NICN1: variants seen among roughly 807,000 people sequenced by gnomAD.
NICN1 encodes nicolin-1.
In NICN1, 18 loss-of-function variants were observed where a neutral mutation model predicts 26.3. The observed-to-expected ratio is 0.68, with a 90% CI of 0.47 to 1.01. The LOEUF is 1.01. Ranked by LOEUF, NICN1 falls within the 50% of genes least tolerant of loss-of-function variation. NICN1 has a pLI of 0.00. For synonymous variants in NICN1, 109 were observed against 111.0 expected, an observed-to-expected ratio of 0.98 and a Z score of 0.11; for missense variants, 239 against 278.3, an observed-to-expected ratio of 0.86 and a Z score of 1.00.
At position 49,426,009 on chromosome 3, in the gene NICN1, C is replaced by G. The variant is rs572399908; in HGVS notation, c.310-13G>C. On this transcript the variant is annotated splice_polypyrimidine_tract_variant and intron_variant, in intron 2 of 5. Coordinates refer to ENST00000273598, the MANE Select transcript of NICN1 (RefSeq NM_032316.3). ...TGTCACACAGCATCTGACACACACA[C>G]ACAAGGACCCAGCAAGGATCCAGCT... is the stretch of plus-strand genomic sequence containing the variant. The G allele has an allele frequency of 6.7e-5, 102 of 1,533,658 alleles. No individual in the cohort carries two copies. The highest frequency in any genetic ancestry group is 5.1e-4 in the Admixed American group (30 of 59,024).
Position 49,422,902 on chromosome 3 carries a change from T to G in NICN1, c.*1931A>C. On this transcript the variant is annotated 3_prime_UTR_variant, in exon 6 of 6. Transcript: ENST00000273598. ...AGTCTGTCCTCATGTGGACCCCTAG[T>G]TCCACAGCTCTCCCACCAGGCAGAC... The G allele has an allele frequency of 6.7e-6, 2 of 296,354 alleles. No homozygotes were observed. Among genetic ancestry groups the G allele is most frequent in the Non-Finnish European group, 6.7e-6 (1 of 148,962 alleles). The allele number at this position is 296,354 out of a possible 1,614,324, so 18.4% of individuals were successfully genotyped here.
At chr3:49,425,588 G>C in intron 3 of NICN1, 150 bp from the exon 4 acceptor site, 2 of 647,010 alleles carry the variant, frequency 3.1e-6, no homozygotes, top group Non-Finnish European at 2.7e-6. Flanking sequence ...TAAAGAGGCA[G>C]TCAGACTACC....
chr3:49,425,294 G>T, intron 4 of NICN1, 73 bp downstream of exon 4: 1 of 1,308,062 alleles, frequency 7.6e-7, no homozygotes, highest in Non-Finnish European at 1.1e-6. Flanking sequence ...AATTTTACAG[G>T]AAGGGGTCTA....
At chr3:49,426,529 CTTTTTTTTT>C in intron 1 of NICN1, 101 bp from the exon 2 acceptor site, 1 of 643,812 alleles carries the variant, frequency 1.6e-6, no homozygotes, top group Non-Finnish European at 2.5e-6. Flanking sequence ...CCCACCTTTT[CTTTTTTTTT>C]TTTTTTTGAG....
intron 4 of NICN1, 144 bp downstream of exon 4, chr3:49,425,223 T>C (rs922556268): frequency 6.0e-6 from 5 of 840,204 alleles, no homozygotes; most frequent in Non-Finnish European, 9.9e-6. Context: ...CAGAGATGCC[T>C]CAAATCCCAC....
At chr3:49,425,151 G>T in intron 4 of NICN1, 98 bp from the exon 5 acceptor site, 2 of 987,704 alleles carry the variant, frequency 2.0e-6, no homozygotes, top group Non-Finnish European at 3.2e-6. Flanking sequence ...CTCCAGCTGA[G>T]ACCAACAACA....
At chr3:49,428,973 G>T (rs916112653) in intron 1 of NICN1, 135 bp downstream of exon 1, 9 of 773,724 alleles carry the variant, frequency 1.2e-5, no homozygotes, top group Non-Finnish European at 1.6e-5. Flanking sequence ...CTAAATAAAT[G>T]AATGATTAAC....
chr3:49,422,605 A>G lies in NICN1; in HGVS notation c.*2228T>C, dbSNP rs1464190275. On this transcript the variant is annotated 3_prime_UTR_variant, in exon 6 of 6. Coordinates refer to ENST00000273598, the MANE Select transcript of NICN1 (RefSeq NM_032316.3). ...GCCCCAAGGGCAGGCTGGGATTTAG[A>G]GCAGAGAATGCAGGAACCCGCAACC... 3 of 831,694 alleles carry G rather than the reference A, an allele frequency of 3.6e-6. No homozygotes were observed. Among genetic ancestry groups the G allele is most frequent in the Admixed American group, 4.0e-5 (2 of 50,086 alleles). 51.5% of individuals were successfully genotyped at this position (831,694 alleles called of 1,614,324 possible). A position where few individuals can be genotyped will look rare whatever the true frequency, so the allele number is the denominator to read the frequency against.
At position 49,429,313 on chromosome 3, in the gene NICN1, C is replaced by T; in HGVS notation, c.-74G>A. 6.7e-7 allele frequency: 1 copy of T among 1,482,500 alleles called. No homozygotes were observed. Among genetic ancestry groups the T allele is most frequent in the East Asian group, 2.7e-5 (1 of 37,542 alleles). The allele number at this position is 1,482,500 out of a possible 1,614,324, so 91.8% of individuals were successfully genotyped here. On this transcript the variant is annotated 5_prime_UTR_variant, in exon 1 of 6. Transcript: ENST00000273598. ...CACCAGCCCTTCCCGGCATCCTCAG[C>T]CGAGCCTCAAGAACTACAAATCCCG...
intron 2 of NICN1, 112 bp from the exon 3 acceptor site, chr3:49,426,108 C>G: frequency 1.8e-6 from 2 of 1,108,718 alleles, no homozygotes; most frequent in East Asian, 2.5e-5. Context: ...AAGGAAGGAA[C>G]AGTAGTCCCT....
At chr3:49,429,029 A>G (rs2049197294) in intron 1 of NICN1, 79 bp downstream of exon 1, 2 of 1,390,242 alleles carry the variant, frequency 1.4e-6, no homozygotes, top group Non-Finnish European at 2.0e-6. Flanking sequence ...CCCATAAAAG[A>G]TTAAATGCCT....
chr3:49,424,432 A>C lies in NICN1; in HGVS notation c.*401T>G, dbSNP rs2049153275. The C allele has an allele frequency of 3.4e-6, 1 of 292,254 alleles. No individual in the cohort carries two copies. Among genetic ancestry groups the C allele is most frequent in the Non-Finnish European group, 6.4e-6 (1 of 155,102 alleles). The allele number at this position is 292,254 out of a possible 1,614,324, so 18.1% of individuals were successfully genotyped here. On this transcript the variant is annotated 3_prime_UTR_variant, in exon 6 of 6. Coordinates refer to ENST00000273598, the MANE Select transcript of NICN1 (RefSeq NM_032316.3). The stretch of plus-strand genomic sequence containing the variant: ...CCTCAAGTGTCCCAAGTGCCATGGC[A>C]GCAATGGCCTTCCAGGTCCATACAT...
At chr3:49,425,591 A>G (rs2049163494) in intron 3 of NICN1, among the ~76,000 whole-genome samples, 153 bp from the exon 4 acceptor site, 2 of 152,154 alleles carry the variant, frequency 1.3e-5, no homozygotes, top group Admixed American at 1.3e-4. Context: ...AGAGGCAGTC[A>G]GACTACCTAA....
At chr3:49,425,835 G>A (rs768301615) in intron 3 of NICN1, 48 bp downstream of exon 3, 2 of 1,035,658 alleles carry the variant, frequency 1.9e-6, no homozygotes, top group Non-Finnish European at 2.9e-6. Flanking sequence ...CCCAGTCATA[G>A]AAGCTTTCTG....
In NICN1 at chr3:49,422,662, A is replaced by C; in HGVS notation, c.*2171T>G. On this transcript the variant is annotated 3_prime_UTR_variant, in exon 6 of 6. Transcript: ENST00000273598. ...AAGAAGCCTCCAGCTCTTTCGGCTG[A>C]CTCTTCAGGGCAGCTCGGGCAATCC... 1 of 699,514 alleles carries C rather than the reference A, an allele frequency of 1.4e-6. No homozygotes were observed. The highest frequency in any genetic ancestry group is 2.6e-6 in the Non-Finnish European group (1 of 387,076). 43.3% of individuals were successfully genotyped at this position (699,514 alleles called of 1,614,324 possible).
In NICN1 at chr3:49,424,888, G is replaced by T. The variant is rs2049158210; in HGVS notation, c.601-14C>A. 6.2e-7 allele frequency: 1 copy of T among 1,613,840 alleles called. No homozygotes were observed. Among genetic ancestry groups the T allele is most frequent in the South Asian group, 1.1e-5 (1 of 91,082 alleles). On this transcript the variant is annotated splice_polypyrimidine_tract_variant and intron_variant, in intron 5 of 5. Coordinates refer to ENST00000273598, the MANE Select transcript of NICN1 (RefSeq NM_032316.3). ...ACAGCCATCCACCTGAAATACAAAA[G>T]ACCATCAGGTCTGATCTGCTCAGGG... is the stretch of plus-strand genomic sequence containing the variant.
Position 49,423,756 on chromosome 3 carries a change from CA to C in NICN1, c.*1076del. 6.6e-6 allele frequency: 1 copy of C among 150,470 alleles called. No homozygotes were observed. The highest frequency in any genetic ancestry group is 1.5e-5 in the Non-Finnish European group (1 of 67,640). 9.3% of individuals were successfully genotyped at this position (150,470 alleles called of 1,614,324 possible). On this transcript the variant is annotated 3_prime_UTR_variant, in exon 6 of 6. Coordinates refer to ENST00000273598, the MANE Select transcript of NICN1 (RefSeq NM_032316.3). ...GGGCAACAAGAGCAAAACTCAACCT[CA>C]AAAAAAACAACAAAAAAGGAGAGGG...
chr3:49,425,123 C>A, intron 4 of NICN1, 70 bp from the exon 5 acceptor site: 1 of 1,324,492 alleles, frequency 7.6e-7, no homozygotes, highest in Non-Finnish European at 1.1e-6. Flanking sequence ...CCAGAGAGGC[C>A]AACCTGGGCT....
Position 49,429,224 on chromosome 3 carries a change from C to T in NICN1, c.16G>A (p.Val6Met). 6.2e-7 allele frequency: 1 copy of T among 1,606,612 alleles called. No individual in the cohort carries two copies. The highest frequency in any genetic ancestry group is 8.5e-7 in the Non-Finnish European group (1 of 1,176,554). MSRVL[V>M]PCHVKGSVAL... ...ACGGAGCCTTTCACATGGCAAGGCA[C>T]CAAAACGCGGGACATGGTGACAGCA... Residue 6 changes from valine to methionine, a missense_variant, in exon 1 of 6, where the codon GTG becomes ATG. Coordinates refer to ENST00000273598, the MANE Select transcript of NICN1 (RefSeq NM_032316.3).
Sources: gnomAD v4.1 joint callset for allele counts (sites outside exome capture counted in the v4.1 genomes callset) on GRCh38, gnomAD v4.1.1 for gene constraint, MANE v1.5 for transcripts, NCBI Gene and HGNC (gene_info 2026-07-23, HGNC 2026-07-21) for gene names.